The following GSTCD variants were observed in gnomAD, a reference collection of about 807,000 sequenced individuals.
GSTCD encodes the protein glutathione S-transferase C-terminal domain-containing protein.
Under a neutral mutation model 68.3 loss-of-function variants are expected in GSTCD, and 44 were observed. The observed-to-expected ratio is 0.64, with a 90% CI of 0.51 to 0.83. The LOEUF (loss-of-function observed/expected upper bound fraction) is 0.83. GSTCD is among the 40% of genes least tolerant of loss of function. The pLI is 0.00. For missense variants in GSTCD, 739 were observed against 735.9 expected, an observed-to-expected ratio of 1.00 and a Z score of -0.05; for synonymous variants, 273 against 255.2, an observed-to-expected ratio of 1.07 and a Z score of -0.67.
chr4:105,793,589 T>C (rs1458559899), intron 5 of GSTCD, among the ~76,000 whole-genome samples: 2 of 151,980 alleles, frequency 1.3e-5, no homozygotes, highest in African/African-American at 4.8e-5. Context: ...TTTTATTTCA[T>C]ATTTACCCTA....
At chr4:105,742,927 G>A (rs984739926) in intron 5 of GSTCD, among the ~76,000 whole-genome samples, 8 of 150,030 alleles carry the variant, frequency 5.3e-5, no homozygotes, top group African/African-American at 2.0e-4. Context: ...TGTTGCCTAG[G>A]CTGGACCTTT....
chr4:105,758,183 G>A (rs1379829322), intron 5 of GSTCD, among the ~76,000 whole-genome samples: 1 of 152,204 alleles, frequency 6.6e-6, no homozygotes, highest in Non-Finnish European at 1.5e-5. Flanking sequence ...ACTAACTGCA[G>A]TTGAATATAA....
intron 5 of GSTCD, among the ~76,000 whole-genome samples, chr4:105,816,531 T>C (rs1723002324): frequency 6.6e-6 from 1 of 152,104 alleles, no homozygotes; most frequent in Non-Finnish European, 1.5e-5. Context: ...ATCCTTTTCA[T>C]TGATAAGTCT....
chr4:105,785,362 T>A (rs1735425775), intron 5 of GSTCD, among the ~76,000 whole-genome samples: 2 of 151,764 alleles, frequency 1.3e-5, no homozygotes, highest in Non-Finnish European at 2.9e-5. Context: ...AAAAAAAAAA[T>A]CATACACCAT....
intron 5 of GSTCD, among the ~76,000 whole-genome samples, chr4:105,809,274 A>C (rs1722658305): frequency 1.3e-5 from 2 of 152,022 alleles, no homozygotes; most frequent in Non-Finnish European, 2.9e-5. Flanking sequence ...CATGAGCAGA[A>C]ATGTGGTCTG....
chr4:105,776,913 G>T (rs892488840), intron 5 of GSTCD, among the ~76,000 whole-genome samples: 3 of 152,126 alleles, frequency 2.0e-5, no homozygotes, highest in East Asian at 1.9e-4. Context: ...CTACTATGCT[G>T]CAGTATGCTT....
intron 5 of GSTCD, among the ~76,000 whole-genome samples, chr4:105,817,498 T>G (rs1360667573): frequency 1.3e-5 from 2 of 151,418 alleles, no homozygotes; most frequent in Non-Finnish European, 1.5e-5. Context: ...TGGGGGAGAG[T>G]ATCAGATTAT....
chr4:105,830,256 A>G (rs550258959), intron 8 of GSTCD, among the ~76,000 whole-genome samples: 21 of 152,338 alleles, frequency 1.4e-4, no homozygotes, highest in Admixed American at 1.2e-3. Flanking sequence ...AAAAAAAAAT[A>G]GTGATATACC....
At chr4:105,824,643 C>T (rs529350250) in intron 7 of GSTCD, among the ~76,000 whole-genome samples, 1 of 152,316 alleles carries the variant, frequency 6.6e-6, no homozygotes, top group East Asian at 1.9e-4. Context: ...AGTCTCCTAA[C>T]TGGTTTCTCT....
intron 5 of GSTCD, among the ~76,000 whole-genome samples, chr4:105,787,704 T>G (rs978234726): frequency 6.6e-6 from 1 of 151,932 alleles, no homozygotes; most frequent in Non-Finnish European, 1.5e-5. Context: ...TCTTAAAGGA[T>G]ACTGATGGAA....
chr4:105,797,801 G>T (rs1490620840), intron 5 of GSTCD, among the ~76,000 whole-genome samples: 1 of 115,980 alleles, frequency 8.6e-6, no homozygotes, highest in Non-Finnish European at 1.6e-5. Flanking sequence ...TTGAGACAGA[G>T]TCTTGCCCTA....
intron 5 of GSTCD, among the ~76,000 whole-genome samples, chr4:105,795,413 T>C (rs1209867298): frequency 1.3e-5 from 2 of 152,052 alleles, no homozygotes; most frequent in African/African-American, 4.8e-5. Flanking sequence ...TTTTTAGGTG[T>C]TTATTGTTGG....
intron 2 of GSTCD, 79 bp from the exon 3 acceptor site, chr4:105,718,981 C>T: frequency 1.8e-6 from 2 of 1,125,168 alleles, no homozygotes; most frequent in Non-Finnish European, 2.5e-6. Flanking sequence ...ACTTATTTCC[C>T]AATAAGACAG....
At chr4:105,721,922 T>C (rs1030065307) in intron 3 of GSTCD, among the ~76,000 whole-genome samples, 1 of 152,122 alleles carries the variant, frequency 6.6e-6, no homozygotes, top group Admixed American at 6.6e-5. Context: ...CGTATCAACA[T>C]TATGGGAGAA....
chr4:105,727,131 G>A (rs1233076752), intron 4 of GSTCD, among the ~76,000 whole-genome samples: 2 of 144,524 alleles, frequency 1.4e-5, no homozygotes, highest in Admixed American at 7.0e-5. Flanking sequence ...GACCAAGGTA[G>A]CATCATACCT....
chr4:105,841,724 G>C (rs557678371), intron 10 of GSTCD, among the ~76,000 whole-genome samples: 8 of 152,178 alleles, frequency 5.3e-5, no homozygotes, highest in African/African-American at 1.9e-4. Flanking sequence ...GGTGGCATGT[G>C]CCTGTAGTCC....
intron 5 of GSTCD, among the ~76,000 whole-genome samples, chr4:105,788,823 A>T (rs1430658594): frequency 6.6e-6 from 1 of 152,012 alleles, no homozygotes; most frequent in African/African-American, 2.4e-5. Flanking sequence ...TAAATTTCTT[A>T]TATTATCCCT....
intron 5 of GSTCD, among the ~76,000 whole-genome samples, chr4:105,741,782 A>G (rs1318119413): frequency 6.6e-6 from 1 of 152,216 alleles, no homozygotes; most frequent in Non-Finnish European, 1.5e-5. Flanking sequence ...ATGACAAAGA[A>G]GCAACTCTAA....
chr4:105,784,748 C>G (rs1735401105), intron 5 of GSTCD, among the ~76,000 whole-genome samples: 1 of 152,068 alleles, frequency 6.6e-6, no homozygotes, highest in African/African-American at 2.4e-5. Flanking sequence ...TTCGTGGATT[C>G]TTATTTTTTC....
Sources: gnomAD v4.1 joint callset for allele counts (sites outside exome capture counted in the v4.1 genomes callset) on GRCh38, gnomAD v4.1.1 for gene constraint, MANE v1.5 for transcripts, NCBI Gene and HGNC (gene_info 2026-07-23, HGNC 2026-07-21) for gene names.